TOX3: variants seen among roughly 807,000 people sequenced by gnomAD.
The protein encoded by TOX3 is TOX high mobility group box family member 3.
TOX3 carries 22 observed loss-of-function variants against 64.3 expected under a neutral mutation model. The ratio of observed to expected loss-of-function variants is 0.34; its 90% confidence interval spans 0.24 to 0.49. TOX3 has a LOEUF of 0.49. TOX3 is among the 20% of genes least tolerant of loss of function. The pLI is 0.99. For missense variants in TOX3, 661 were observed against 714.4 expected (o/e 0.93, Z 0.85); for synonymous variants, 291 against 273.6 (o/e 1.06, Z -0.63).
chr16:52,450,201 C>T (rs1960291365), intron 4 of TOX3, 76 bp downstream of exon 4: 1 of 1,545,538 alleles, frequency 6.5e-7, no homozygotes, highest in Admixed American at 1.7e-5. Context: ...AAGATAACAC[C>T]ATGAATGAAA....
chr16:52,534,177 G>C (rs1389198925), intron 1 of TOX3, among the ~76,000 whole-genome samples: 3 of 152,158 alleles, frequency 2.0e-5, no homozygotes, highest in Non-Finnish European at 4.4e-5. Context: ...GGGACAGTCA[G>C]GCAGCATTAA....
chr16:52,508,458 T>G (rs1226051096), intron 1 of TOX3, among the ~76,000 whole-genome samples: 2 of 152,116 alleles, frequency 1.3e-5, no homozygotes, highest in Non-Finnish European at 2.9e-5. Flanking sequence ...TACTGTACAG[T>G]GGCAAACCAA....
At chr16:52,519,399 G>A (rs923969350) in intron 1 of TOX3, 5 of 1,550,990 alleles carry the variant, frequency 3.2e-6, no homozygotes, top group Admixed American at 3.9e-5. Flanking sequence ...AGAAGATTAG[G>A]TCTTACTTTC....
intron 1 of TOX3, among the ~76,000 whole-genome samples, chr16:52,516,722 T>A (rs1962468168): frequency 6.6e-6 from 1 of 152,172 alleles, no homozygotes; most frequent in African/African-American, 2.4e-5. Context: ...ATCATACACA[T>A]CATGTGAACA....
intron 3 of TOX3, among the ~76,000 whole-genome samples, chr16:52,463,047 A>C (rs1960739832): frequency 6.6e-6 from 1 of 152,222 alleles, no homozygotes; most frequent in Non-Finnish European, 1.5e-5. Flanking sequence ...GCCAATAAAC[A>C]TCACTGGCAT....
chr16:52,500,474 A>G (rs1961971975), intron 1 of TOX3, among the ~76,000 whole-genome samples: 1 of 152,208 alleles, frequency 6.6e-6, no homozygotes, highest in Non-Finnish European at 1.5e-5. Flanking sequence ...GAATATTAAA[A>G]GGTGGCCATA....
chr16:52,473,436 A>T (rs1390585041), intron 1 of TOX3, among the ~76,000 whole-genome samples: 1 of 152,148 alleles, frequency 6.6e-6, no homozygotes, highest in Admixed American at 6.5e-5. Context: ...ACACCATCCA[A>T]CTTGATGCCT....
chr16:52,541,682 G>A (rs1430551194), intron 1 of TOX3, among the ~76,000 whole-genome samples: 1 of 152,148 alleles, frequency 6.6e-6, no homozygotes, highest in Non-Finnish European at 1.5e-5. Context: ...CACATACTTT[G>A]AAAACTGTGA....
chr16:52,499,525 T>G (rs1567337000), intron 1 of TOX3, among the ~76,000 whole-genome samples: 1 of 152,200 alleles, frequency 6.6e-6, no homozygotes, highest in East Asian at 1.9e-4. Context: ...GGAATCAGAT[T>G]CTTAGAACCA....
intron 2 of TOX3, among the ~76,000 whole-genome samples, chr16:52,464,948 T>C (rs911038745): frequency 2.0e-5 from 3 of 151,128 alleles, no homozygotes; most frequent in African/African-American, 7.3e-5. Context: ...GATTTGATGC[T>C]GTTCGCTTAC....
chr16:52,455,553 A>G (rs1019641925), intron 3 of TOX3, among the ~76,000 whole-genome samples: 1 of 152,198 alleles, frequency 6.6e-6, no homozygotes, highest in East Asian at 1.9e-4. Flanking sequence ...ATCCACATAA[A>G]CAAGATTCCA....
At chr16:52,535,291 C>T (rs1481756576) in intron 1 of TOX3, among the ~76,000 whole-genome samples, 63 of 152,176 alleles carry the variant, frequency 4.1e-4, no homozygotes, top group Non-Finnish European at 1.6e-4. Flanking sequence ...CATGGCCAGC[C>T]ACAATATAAA....
At chr16:52,490,744 C>G (rs1961660254) in intron 1 of TOX3, among the ~76,000 whole-genome samples, 1 of 150,936 alleles carries the variant, frequency 6.6e-6, no homozygotes, top group African/African-American at 2.4e-5. Flanking sequence ...ATCCTCCCAC[C>G]TCAGCCTCCT....
At chr16:52,541,397 A>G (rs1963075485) in intron 1 of TOX3, among the ~76,000 whole-genome samples, 1 of 152,184 alleles carries the variant, frequency 6.6e-6, no homozygotes, top group African/African-American at 2.4e-5. Flanking sequence ...TGAGAGGATT[A>G]CAAAGGTCTG....
chr16:52,471,776 T>C (rs1056838164), intron 1 of TOX3, among the ~76,000 whole-genome samples: 2 of 152,186 alleles, frequency 1.3e-5, no homozygotes, highest in Non-Finnish European at 2.9e-5. Flanking sequence ...TTTCATTTAG[T>C]TTTCCAAACT....
intron 3 of TOX3, among the ~76,000 whole-genome samples, chr16:52,453,246 C>T (rs1160941002): frequency 6.7e-6 from 1 of 150,328 alleles, no homozygotes; most frequent in Non-Finnish European, 1.5e-5. Flanking sequence ...TGCAGTGGTG[C>T]CATCTCGGCT....
chr16:52,518,482 AAG>A (rs1242378635), intron 1 of TOX3, among the ~76,000 whole-genome samples: 6 of 152,216 alleles, frequency 3.9e-5, no homozygotes, highest in African/African-American at 1.4e-4. Flanking sequence ...TTGAATTAAA[AAG>A]AGAGATTAAT....
chr16:52,521,473 A>G (rs1962607127), intron 1 of TOX3, among the ~76,000 whole-genome samples: 1 of 152,172 alleles, frequency 6.6e-6, no homozygotes, highest in African/African-American at 2.4e-5. Flanking sequence ...CAGTGGTATA[A>G]GACCACAGGG....
intron 1 of TOX3, among the ~76,000 whole-genome samples, chr16:52,515,837 T>C (rs948952652): frequency 1.3e-5 from 2 of 152,254 alleles, no homozygotes; most frequent in Admixed American, 6.5e-5. Flanking sequence ...CTATTTGCAC[T>C]AGCATTAATC....
Sources: gnomAD v4.1 joint callset for allele counts (sites outside exome capture counted in the v4.1 genomes callset) on GRCh38, gnomAD v4.1.1 for gene constraint, MANE v1.5 for transcripts, NCBI Gene and HGNC (gene_info 2026-07-23, HGNC 2026-07-21) for gene names.